ACACA: variants seen among roughly 807,000 people sequenced by gnomAD.
ACACA encodes the protein acetyl-CoA carboxylase 1.
Under a neutral mutation model 296.1 loss-of-function variants are expected in ACACA, and 103 were observed. The ratio of observed to expected loss-of-function variants is 0.35; its 90% CI spans 0.30 to 0.41. The LOEUF (loss-of-function observed/expected upper bound fraction) is 0.41. Ranked by LOEUF, ACACA falls within the 10% of genes least tolerant of loss-of-function variation. The pLI, the probability that ACACA is intolerant of heterozygous loss-of-function variation, is 1.00. For missense variants in ACACA, 1,554 were observed against 2,989.7 expected (o/e 0.52, Z 11.20); for synonymous variants, 953 against 1,038.6 (o/e 0.92, Z 1.58).
intron 3 of ACACA, among the ~76,000 whole-genome samples, chr17:37,306,399 A>G (rs2083889630): frequency 6.6e-6 from 1 of 152,172 alleles, no homozygotes; most frequent in South Asian, 2.1e-4. Context: ...AATGACCGAT[A>G]TAACTTCATA....
At chr17:37,280,763 C>CACACACA (rs2082482342) in intron 5 of ACACA, among the ~76,000 whole-genome samples, 1 of 94,900 alleles carries the variant, frequency 1.1e-5, no homozygotes. Context: ...ACACACACAC[C>CACACACA]CCAAAAAACA....
At position 37,205,836 on chromosome 17, in the gene ACACA, C is replaced by T. The variant is rs1170471117; in HGVS notation, c.3985G>A (p.Ala1329Thr). The change falls in exon 33 of 56, where the codon GCT (alanine) becomes ACT (threonine). Residue 1329 changes from alanine to threonine, a missense_variant. Coordinates refer to ENST00000616317, the MANE Select transcript of ACACA (RefSeq NM_198834.3). Reference sequence around the variant, plus strand: ...TCAATATCACAGTCAGTCTTGATAGCCACATTGAGAATGTGAATTGGTTCA... The same window carrying T: ...TCAATATCACAGTCAGTCTTGATAGTCACATTGAGAATGTGAATTGGTTCA... The part of the protein sequence containing the change: ...RDEPIHILNV[A>T]IKTDCDIEDD... The T allele has an allele frequency of 6.2e-7, 1 of 1,613,390 alleles. No individual in the cohort carries two copies. The highest frequency in any genetic ancestry group is 2.2e-5 in the East Asian group (1 of 44,876).
chr17:37,347,255 C>G (rs2048668791), intron 1 of ACACA, among the ~76,000 whole-genome samples: 1 of 152,186 alleles, frequency 6.6e-6, no homozygotes, highest in Non-Finnish European at 1.5e-5. Context: ...ATGACGTGCT[C>G]CTCCTTGCCT....
intron 50 of ACACA, among the ~76,000 whole-genome samples, chr17:37,121,094 C>A (rs2074505433): frequency 6.6e-6 from 1 of 151,002 alleles, no homozygotes; most frequent in Admixed American, 6.6e-5. Context: ...GGTCCAGCAT[C>A]CATCTGTGAG....
chr17:37,365,067 G>T (rs575183609), intron 1 of ACACA, among the ~76,000 whole-genome samples: 26 of 152,124 alleles, frequency 1.7e-4, no homozygotes, highest in African/African-American at 5.1e-4. Context: ...CCGCCTCCCG[G>T]GTTCAAGTGA....
intron 3 of ACACA, among the ~76,000 whole-genome samples, chr17:37,287,128 C>T (rs1042043884): frequency 2.0e-5 from 3 of 152,212 alleles, no homozygotes; most frequent in South Asian, 4.1e-4. Context: ...CTTTGTACAC[C>T]GTTTGATAGA....
intron 42 of ACACA, among the ~76,000 whole-genome samples, chr17:37,159,816 T>C (rs1483278884): frequency 1.3e-5 from 2 of 152,186 alleles, no homozygotes; most frequent in African/African-American, 4.8e-5. Flanking sequence ...CATTTAAAGA[T>C]GTGAAAGGCA....
chr17:37,276,163 CCT>C, intron 7 of ACACA, 114 bp from the exon 8 acceptor site: 1 of 772,156 alleles, frequency 1.3e-6, no homozygotes, highest in Non-Finnish European at 2.3e-6. Context: ...TCCCCCCACC[CCT>C]CACATATCAA....
At chr17:37,100,443 G>A (rs1207297902) in intron 52 of ACACA, among the ~76,000 whole-genome samples, 1 of 152,038 alleles carries the variant, frequency 6.6e-6, no homozygotes, top group Non-Finnish European at 1.5e-5. Context: ...TGCCCAAAAA[G>A]CAGAATCGAA....
chr17:37,247,852 T>G, intron 18 of ACACA, 159 bp downstream of exon 18: 1 of 782,818 alleles, frequency 1.3e-6, no homozygotes, highest in Non-Finnish European at 2.0e-6. Context: ...ATAAACACTT[T>G]AATACTCTTG....
At chr17:37,313,846 T>C (rs8066577) in intron 3 of ACACA, among the ~76,000 whole-genome samples, 76,154 of 151,862 alleles carry the variant, frequency 0.5, 21,692 homozygotes, top group East Asian at 0.75. Context: ...AGCAATCCCA[T>C]AGCTAGGTAA....
At chr17:37,287,590 A>AAAAAAAAAC (rs1264156932) in intron 3 of ACACA, among the ~76,000 whole-genome samples, 3 of 144,194 alleles carry the variant, frequency 2.1e-5, no homozygotes, top group East Asian at 2.0e-4. Flanking sequence ...AAAAAAAAAA[A>AAAAAAAAAC]CAAATATCCA....
rs573659078 is a variant in ACACA, at chr17:37,188,282, C to T, written c.4771G>A (p.Ala1591Thr). Reference protein sequence around the residue: ...LYKEVTDSRTAQIMFQAYGDK... With the variant: ...LYKEVTDSRTTQIMFQAYGDK... The stretch of plus-strand genomic sequence containing the variant: ...AGCCTGTTTGAGTATTGTACCTGTG[C>T]TGTCCTGGAGTCAGTCACTTCCTTG... The change falls in exon 39 of 56, where the codon GCA (alanine) becomes ACA (threonine). Residue 1591 changes from alanine to threonine, a missense_variant. Around this residue, in one of 16 missense-constraint regions of ACACA, gnomAD observed 553 missense variants for 1,043.6 expected, o/e 0.53. Coordinates refer to ENST00000616317, the MANE Select transcript of ACACA (RefSeq NM_198834.3). The T allele has an allele frequency of 2.5e-6, 4 of 1,613,880 alleles. No individual in the cohort carries two copies. Among genetic ancestry groups the T allele is most frequent in the Admixed American group, 3.3e-5 (2 of 60,002 alleles).
chr17:37,287,113 A>T lies in ACACA; in HGVS notation c.339-2143T>A, dbSNP rs1398968509. ...AGGATTAAATAAGATAGTGGACATA[A>T]GCTCCTTTGTACACCGTTTGATAGA... is the stretch of plus-strand genomic sequence containing the variant. On this transcript the variant is annotated intron_variant, in intron 3 of 55. Coordinates refer to ENST00000616317, the MANE Select transcript of ACACA (RefSeq NM_198834.3). Among the ~76,000 whole-genome samples the T allele has an allele frequency of 2.0e-5, 3 of 152,248 alleles. No individual in the cohort carries two copies. The East Asian group carries it at 5.8e-4, about 29-fold the overall frequency.
At position 37,257,957 on chromosome 17, in the gene ACACA, C is replaced by A. The variant is rs560457802; in HGVS notation, c.1663-91G>T. The A allele has an allele frequency of 3.7e-5, 56 of 1,500,700 alleles. No homozygotes were observed. The South Asian group carries it at 5.6e-4, about 15-fold the overall frequency. 93.0% of individuals were successfully genotyped at this position (1,500,700 alleles called of 1,614,324 possible). On this transcript the variant is annotated intron_variant, in intron 13 of 55. Transcript: ENST00000616317. ...TTGTTTAAGTTCTCTGTTAATCACA[C>A]ACAGAAGCAGAGAAGACACACAAAA...
intron 47 of ACACA, among the ~76,000 whole-genome samples, chr17:37,128,275 T>G (rs1242839030): frequency 6.6e-6 from 1 of 152,136 alleles, no homozygotes; most frequent in Non-Finnish European, 1.5e-5. Flanking sequence ...TACGAATCAC[T>G]CAACTTCTCT....
intron 1 of ACACA, among the ~76,000 whole-genome samples, chr17:37,402,679 CT>C (rs1027751994): frequency 3.9e-4 from 58 of 147,172 alleles, no homozygotes; most frequent in Non-Finnish European, 4.1e-4. Context: ...TGACTTCATT[CT>C]TTTTTTTTTT....
chr17:37,241,157 T>C (rs1276136405), intron 23 of ACACA, among the ~76,000 whole-genome samples: 1 of 152,040 alleles, frequency 6.6e-6, no homozygotes, highest in Admixed American at 6.6e-5. Flanking sequence ...ATTGTGCTAC[T>C]GTACTACAAC....
intron 38 of ACACA, 85 bp from the exon 39 acceptor site, chr17:37,188,565 G>A (rs1288763318): frequency 5.5e-6 from 8 of 1,448,052 alleles, no homozygotes; most frequent in Admixed American, 3.7e-5. Context: ...TGAGAAAGAA[G>A]GGGTAAAAAA....
Sources: allele counts gnomAD v4.1 joint callset (sites outside exome capture counted in the v4.1 genomes callset), GRCh38; gene constraint gnomAD v4.1.1; regional missense constraint gnomAD v4.1.1; transcripts MANE v1.5; gene names NCBI Gene and HGNC (gene_info 2026-07-23, HGNC 2026-07-21).